Variants in SNX13 observed in about 807,000 individuals in gnomAD.
The protein encoded by SNX13 is sorting nexin-13.
SNX13 carries 45 observed loss-of-function variants against 133.6 expected under a neutral mutation model. That is an observed-to-expected ratio of 0.34 (90% CI 0.27 to 0.43). SNX13 has a LOEUF of 0.43. Among genes scored for constraint, SNX13 ranks in the 20% least tolerant of loss-of-function variants. SNX13 has a pLI of 1.00. For missense variants in SNX13, 1,032 were observed against 1,145.1 expected, an observed-to-expected ratio of 0.90 and a Z score of 1.43; for synonymous variants, 414 against 373.9, an observed-to-expected ratio of 1.11 and a Z score of -1.24.
intron 5 of SNX13, among the ~76,000 whole-genome samples, chr7:17,887,589 CAG>C (rs1796151831): frequency 1.3e-5 from 2 of 152,130 alleles, no homozygotes; most frequent in Non-Finnish European, 2.9e-5. Context: ...TTATCATCTC[CAG>C]ACAAAAAATG....
At chr7:17,811,909 T>C (rs902498589) in intron 20 of SNX13, among the ~76,000 whole-genome samples, 1 of 152,164 alleles carries the variant, frequency 6.6e-6, no homozygotes, top group African/African-American at 2.4e-5. Flanking sequence ...GGATTTTCTA[T>C]TTAATAAATG....
chr7:17,916,631 G>A (rs148408101), intron 1 of SNX13, among the ~76,000 whole-genome samples: 193 of 151,302 alleles, frequency 1.3e-3, no homozygotes, highest in African/African-American at 4.3e-3. Flanking sequence ...TGAACAGATC[G>A]ATAACAAGTT....
At chr7:17,923,589 G>C (rs577415843) in intron 1 of SNX13, among the ~76,000 whole-genome samples, 9 of 152,132 alleles carry the variant, frequency 5.9e-5, no homozygotes, top group Non-Finnish European at 1.0e-4. Flanking sequence ...AAAACCCAGA[G>C]AGAATGTGCT....
chr7:17,917,477 A>G (rs1010063329), intron 1 of SNX13, among the ~76,000 whole-genome samples: 5 of 152,102 alleles, frequency 3.3e-5, no homozygotes, highest in Admixed American at 6.6e-5. Context: ...GGATACAAAA[A>G]TCAATATTAT....
chr7:17,940,287 A>G lies in SNX13; in HGVS notation c.9T>C (p.Thr3=). The G allele has an allele frequency of 6.4e-7, 1 of 1,564,454 alleles. No individual in the cohort carries two copies. The highest frequency in any genetic ancestry group is 2.4e-5 in the East Asian group (1 of 41,908). ML[T]EASLSIWGWG... is the part of the protein sequence containing the mutation. ...ACTGGCCACCGTCGCCGCTTACCTCAGTTAACATTATTACACCCCGGGGAA... is the reference window on the plus strand; with the variant it reads ...ACTGGCCACCGTCGCCGCTTACCTCGGTTAACATTATTACACCCCGGGGAA... Residue 3 remains threonine (T), a synonymous_variant, in exon 1 of 26, where the codon ACT becomes ACC. Transcript: ENST00000428135.
chr7:17,831,878 C>A lies in SNX13; in HGVS notation c.1598-1831G>T, dbSNP rs965972176. 3.0e-6 allele frequency: 3 copies of A among 984,058 alleles called. No individual in the cohort carries two copies. The African/African-American group carries it at 5.3e-5, about 17-fold the overall frequency. 61.0% of individuals were successfully genotyped at this position (984,058 alleles called of 1,614,324 possible). ...TAGTTGAGAAAGGTAAACCAGTGGC[C>A]TAAAACCTAAACACTGACAAAGACA... On this transcript the variant is annotated intron_variant, in intron 15 of 25. Coordinates refer to ENST00000428135, the MANE Select transcript of SNX13 (RefSeq NM_015132.5).
At chr7:17,823,747 T>C (rs1051984162) in intron 17 of SNX13, among the ~76,000 whole-genome samples, 1 of 152,172 alleles carries the variant, frequency 6.6e-6, no homozygotes, top group Non-Finnish European at 1.5e-5. Context: ...AGAACCACCA[T>C]TTCTCAATGG....
At chr7:17,882,962 C>CA in intron 5 of SNX13, 1 of 438,108 alleles carries the variant, frequency 2.3e-6, no homozygotes, top group Non-Finnish European at 3.8e-6. Context: ...AAAACAAAAA[C>CA]AAAAACAAAA....
At chr7:17,885,416 T>C (rs920805048) in intron 5 of SNX13, among the ~76,000 whole-genome samples, 1 of 152,172 alleles carries the variant, frequency 6.6e-6, no homozygotes, top group Non-Finnish European at 1.5e-5. Flanking sequence ...TTAAATTTAT[T>C]GTGATGAAAG....
chr7:17,794,135 A>C lies in SNX13; in HGVS notation c.2784T>G (p.Leu928=). The change falls in exon 26 of 26, where the codon CTT becomes CTG. Residue 928 remains leucine (L), a synonymous_variant. Coordinates refer to ENST00000428135, the MANE Select transcript of SNX13 (RefSeq NM_015132.5). ...TLFPQYKFRE[L]FNKLHSRSKQ... ...TTGACCGTGAATGCAGTTTGTTGAA[A>C]AGTTCACGGAATTTATACTGTGGAA... 6.2e-7 allele frequency: 1 copy of C among 1,611,738 alleles called. No individual in the cohort carries two copies. Among genetic ancestry groups the C allele is most frequent in the Non-Finnish European group, 8.5e-7 (1 of 1,178,482 alleles).
At chr7:17,894,336 G>C (rs900933865) in intron 2 of SNX13, among the ~76,000 whole-genome samples, 1 of 151,668 alleles carries the variant, frequency 6.6e-6, no homozygotes, top group African/African-American at 2.4e-5. Flanking sequence ...TATTAAACAA[G>C]TAGGCTAGCT....
At chr7:17,822,972 G>A (rs1562703686) in intron 17 of SNX13, among the ~76,000 whole-genome samples, 2 of 152,092 alleles carry the variant, frequency 1.3e-5, no homozygotes, top group African/African-American at 4.8e-5. Context: ...TTTTTCTACT[G>A]ATGGTAGGCT....
At chr7:17,882,937 C>T (rs1382978947) in intron 5 of SNX13, 5 of 736,076 alleles carry the variant, frequency 6.8e-6, no homozygotes, top group Middle Eastern at 4.2e-4. Flanking sequence ...GGCGACAGGG[C>T]GAGACTCTGT....
At chr7:17,801,452 A>G (rs1438868538) in intron 22 of SNX13, 136 bp downstream of exon 22, 2 of 650,976 alleles carry the variant, frequency 3.1e-6, no homozygotes, top group East Asian at 2.9e-5. Context: ...GGGCATGTTC[A>G]GTTTGTAAGA....
At chr7:17,843,103 A>T (rs944900828) in intron 12 of SNX13, among the ~76,000 whole-genome samples, 3 of 152,034 alleles carry the variant, frequency 2.0e-5, no homozygotes, top group Admixed American at 1.3e-4. Flanking sequence ...ATTACTTTAC[A>T]TGTAAATTGA....
chr7:17,799,589 T>C (rs1003830109), intron 22 of SNX13, among the ~76,000 whole-genome samples: 1 of 151,798 alleles, frequency 6.6e-6, no homozygotes, highest in African/African-American at 2.4e-5. Context: ...TACAGAATAA[T>C]GTATTTTGCT....
chr7:17,797,849 G>C (rs182571454), intron 24 of SNX13, among the ~76,000 whole-genome samples: 1 of 151,926 alleles, frequency 6.6e-6, no homozygotes, highest in Non-Finnish European at 1.5e-5. Flanking sequence ...CTTAGCTTCA[G>C]ATTAGAGAAA....
chr7:17,813,787 T>C (rs895191863), intron 20 of SNX13, among the ~76,000 whole-genome samples: 17 of 152,078 alleles, frequency 1.1e-4, no homozygotes, highest in Non-Finnish European at 2.1e-4. Context: ...AGGGTCTCGC[T>C]GTTACCAGGG....
chr7:17,798,513 G>T (rs184014336), intron 24 of SNX13, among the ~76,000 whole-genome samples, 177 bp downstream of exon 24: 1 of 151,802 alleles, frequency 6.6e-6, no homozygotes, highest in African/African-American at 2.4e-5. Context: ...AAGAAACAAA[G>T]ATCAATAGGT....
Sources: gnomAD v4.1 joint callset for allele counts (sites outside exome capture counted in the v4.1 genomes callset) on GRCh38, gnomAD v4.1.1 for gene constraint, MANE v1.5 for transcripts, NCBI Gene and HGNC (gene_info 2026-07-23, HGNC 2026-07-21) for gene names.